The following RBMX2 variants were observed in gnomAD, a reference collection of about 807,000 sequenced individuals.
RBMX2 encodes the protein RNA binding motif protein X-linked 2.
For missense variants in RBMX2, 191 were observed against 256.0 expected (o/e 0.75, Z 1.73); for synonymous variants, 77 against 94.3 (o/e 0.82, Z 1.07).
At chrX:130,410,743 A>G (rs1036717574) in intron 4 of RBMX2, among the ~76,000 whole-genome samples, 1 of 112,138 alleles carries the variant, frequency 8.9e-6, no homozygotes, top group African/African-American at 3.2e-5. Flanking sequence ...GTTGTGCAAG[A>G]ATCAGCGTGA....
chrX:130,402,342 G>A lies in RBMX2; in HGVS notation c.93G>A (p.Glu31=). ...CCGATAAGGTGTCCTGGCACTCCGAGTACAAGGACAGCGCCTGGATCTTCC... is the reference window on the plus strand; with the variant it reads ...CCGATAAGGTGTCCTGGCACTCCGAATACAAGGACAGCGCCTGGATCTTCC... The part of the protein sequence containing the change: ...GVADKVSWHS[E]YKDSAWIFLG... Residue 31 remains glutamate, a synonymous_variant, in exon 2 of 6, where the codon GAG becomes GAA. Coordinates refer to ENST00000305536, the MANE Select transcript of RBMX2 (RefSeq NM_016024.4). 1 of 1,208,576 alleles carries A rather than the reference G, an allele frequency of 8.3e-7. No homozygotes were observed. The highest frequency in any genetic ancestry group is 1.1e-6 in the Non-Finnish European group (1 of 894,541).
rs766772305 is a variant in RBMX2, at chrX:130,403,806, G to C, written c.126G>C (p.Gly42=). The C allele has an allele frequency of 8.3e-6, 10 of 1,209,993 alleles. No individual in the cohort carries two copies. The highest frequency in any genetic ancestry group is 1.1e-5 in the Non-Finnish European group (10 of 893,693). ...YKDSAWIFLG[G]LPYELTEGDI... ...AAATGTGGTTTTCTCTTCTAGGAGG[G>C]CTTCCTTATGAACTGACTGAAGGGG... is the stretch of plus-strand genomic sequence containing the variant. Residue 42 remains glycine (G), a synonymous_variant, in exon 3 of 6, where the codon GGG becomes GGC. Transcript: ENST00000305536.
chrX:130,404,015 G>A, intron 3 of RBMX2, 162 bp downstream of exon 3: 1 of 471,516 alleles, frequency 2.1e-6, no homozygotes, highest in Non-Finnish European at 3.7e-6. Context: ...CCAGGACATG[G>A]TTCTAGAATG....
chrX:130,410,987 T>G (rs1298538786), intron 4 of RBMX2, among the ~76,000 whole-genome samples: 1 of 111,972 alleles, frequency 8.9e-6, no homozygotes, highest in Non-Finnish European at 1.9e-5. Context: ...CAAGGGTGAT[T>G]CATTGTGCAT....
At chrX:130,406,553 G>GCA (rs2034486554) in intron 3 of RBMX2, among the ~76,000 whole-genome samples, 1 of 109,081 alleles carries the variant, frequency 9.2e-6, no homozygotes, top group African/African-American at 3.4e-5. Flanking sequence ...GGTGCCTGTA[G>GCA]TCCCAGCTAC....
chrX:130,407,028 A>AT (rs1399151276), intron 3 of RBMX2, among the ~76,000 whole-genome samples: 6 of 108,643 alleles, frequency 5.5e-5, no homozygotes, highest in Admixed American at 2.9e-4. Context: ...CTATGGACTT[A>AT]TTTTTTCTTA....
chrX:130,409,961 G>T (rs1356334968), intron 4 of RBMX2, among the ~76,000 whole-genome samples: 2 of 112,684 alleles, frequency 1.8e-5, no homozygotes, highest in South Asian at 3.6e-4. Context: ...GTTCTTAGAA[G>T]GAGATAGCGC....
In RBMX2 at chrX:130,402,002, A is replaced by AT; in HGVS notation, c.-29dup. The AT allele has an allele frequency of 4.2e-6, 5 of 1,185,848 alleles. No individual in the cohort carries two copies. The highest frequency in any genetic ancestry group is 5.7e-6 in the Non-Finnish European group (5 of 880,679). ...GCTGCGCTGCCTTTCCCGGGCGCTGATTCCTGAGTGCTGAGCGCGAACCCG... is the reference window on the plus strand; with the variant it reads ...GCTGCGCTGCCTTTCCCGGGCGCTGATTTCCTGAGTGCTGAGCGCGAACCCG... On this transcript the variant is annotated 5_prime_UTR_variant, in exon 1 of 6. Transcript: ENST00000305536.
At chrX:130,403,221 C>T (rs1484699152) in intron 2 of RBMX2, among the ~76,000 whole-genome samples, 1 of 112,173 alleles carries the variant, frequency 8.9e-6, no homozygotes, top group African/African-American at 3.2e-5. Flanking sequence ...CTGCTTTGTC[C>T]ATAGGATTTT....
In RBMX2 at chrX:130,412,390, G is replaced by C; in HGVS notation, c.511G>C (p.Glu171Gln). The C allele has an allele frequency of 8.7e-7, 1 of 1,145,699 alleles. No individual in the cohort carries two copies. Among genetic ancestry groups the C allele is most frequent in the Non-Finnish European group, 1.2e-6 (1 of 868,550 alleles). 94.4% of individuals were successfully genotyped at this position (1,145,699 alleles called of 1,213,427 possible). A position where few individuals can be genotyped will look rare whatever the true frequency, so the allele number is the denominator to read the frequency against. ...DKKEKKKKKK[E>Q]KEKADREVQA... ...AAAGGAAAAAAAGAAAAAAAAGAAA[G>C]AAAAAGAGAAAGCCGACCGGGAGGT... The change falls in exon 6 of 6, where the codon GAA (glutamate) becomes CAA (glutamine). Residue 171 changes from glutamate (E) to glutamine (Q), a missense_variant. By Grantham distance (29) the Glu-to-Gln change is conservative. Coordinates refer to ENST00000305536, the MANE Select transcript of RBMX2 (RefSeq NM_016024.4).
At chrX:130,407,208 A>G (rs181677085) in intron 3 of RBMX2, among the ~76,000 whole-genome samples, 1 of 109,698 alleles carries the variant, frequency 9.1e-6, no homozygotes, top group East Asian at 2.8e-4. Flanking sequence ...GGCATAAAGA[A>G]TACCTGTATC....
At chrX:130,407,219 T>G (rs2034490232) in intron 3 of RBMX2, among the ~76,000 whole-genome samples, 1 of 109,938 alleles carries the variant, frequency 9.1e-6, no homozygotes, top group Non-Finnish European at 1.9e-5. Flanking sequence ...TACCTGTATC[T>G]CCTTCACCCA....
chrX:130,412,519 C>G lies in RBMX2; in HGVS notation c.640C>G (p.Gln214Glu). 8.3e-7 allele frequency: 1 copy of G among 1,209,740 alleles called. No homozygotes were observed. Residue 214 changes from glutamine (Q) to glutamate (E), a missense_variant, in exon 6 of 6, where the codon CAG becomes GAG. Transcript: ENST00000305536. ...CAGCAGCAAGAACTCAGAGAGAGCT[C>G]AGAAGTCAGAGCCCAGGGAGGGGCA... is the stretch of plus-strand genomic sequence containing the variant. Reference protein sequence around the residue: ...KHSSKNSERAQKSEPREGQKL... With the variant: ...KHSSKNSERAEKSEPREGQKL...
chrX:130,411,382 C>G lies in RBMX2; in HGVS notation c.338C>G (p.Ser113Cys), dbSNP rs776025624. Residue 113 changes from serine to cysteine, a missense_variant, in exon 5 of 6, where the codon TCT (serine) becomes TGT (cysteine). Ser to Cys is a moderately radical substitution (Grantham distance 112, BLOSUM62 -1). Coordinates refer to ENST00000305536, the MANE Select transcript of RBMX2 (RefSeq NM_016024.4). ...KGRTIRVDHV[S>C]NYRAPKDSEE... ...AGAACTATCCGAGTGGATCATGTGT[C>G]TAACTATCGGGCTCCTAAGGACTCA... 117 of 1,200,629 alleles carry G rather than the reference C, an allele frequency of 9.7e-5. No homozygotes were observed. The highest frequency in any genetic ancestry group is 1.3e-4 in the Non-Finnish European group (116 of 891,268).
chrX:130,411,178 T>C (rs192313777), intron 4 of RBMX2, 170 bp from the exon 5 acceptor site: 1 of 384,668 alleles, frequency 2.6e-6, no homozygotes, highest in East Asian at 4.1e-5. Flanking sequence ...TATTAATATT[T>C]AGGTGTACAT....
At chrX:130,402,229 T>TCCCCCCCCCCCCCCCCCC in intron 1 of RBMX2, 26 bp from the exon 2 acceptor site, 1 of 723,010 alleles carries the variant, frequency 1.4e-6, no homozygotes. Flanking sequence ...CTGCCTACCC[T>TCCCCCCCCCCCCCCCCCC]CCCCACCCCC....
intron 4 of RBMX2, among the ~76,000 whole-genome samples, chrX:130,410,786 A>G (rs1215324477): frequency 4.5e-5 from 5 of 112,357 alleles, no homozygotes; most frequent in Non-Finnish European, 1.9e-5. Context: ...GGCTAGAGCA[A>G]GGTGTGAGGG....
At position 130,401,993 on chromosome X, in the gene RBMX2, C is replaced by T. The variant is rs760021992; in HGVS notation, c.-40C>T. The T allele has an allele frequency of 1.7e-6, 2 of 1,181,435 alleles. No individual in the cohort carries two copies. Among genetic ancestry groups the T allele is most frequent in the Non-Finnish European group, 2.3e-6 (2 of 878,308 alleles). On this transcript the variant is annotated 5_prime_UTR_variant, in exon 1 of 6. Coordinates refer to ENST00000305536, the MANE Select transcript of RBMX2 (RefSeq NM_016024.4). ...CGCGCATGCGCTGCGCTGCCTTTCC[C>T]GGGCGCTGATTCCTGAGTGCTGAGC... is the stretch of plus-strand genomic sequence containing the variant.
rs139664755 is a variant in RBMX2, at chrX:130,404,033, G to A, written c.173+180G>A. 733 of 441,185 alleles carry A rather than the reference G, an allele frequency of 1.7e-3. 4 individuals are homozygous for A. Among genetic ancestry groups the A allele is most frequent in the African/African-American group, 0.016 (650 of 41,791 alleles). 36.4% of individuals were successfully genotyped at this position (441,185 alleles called of 1,213,427 possible). A position where few individuals can be genotyped will look rare whatever the true frequency, so the allele number is the denominator to read the frequency against. ...GGACATGGTTCTAGAATGTTCTGTG[G>A]GAGATCCAAGAGGTTTGTTAATTTG... On this transcript the variant is annotated intron_variant, in intron 3 of 5. Transcript: ENST00000305536.
Sources: gnomAD v4.1 joint callset for allele counts (sites outside exome capture counted in the v4.1 genomes callset) on GRCh38, gnomAD v4.1.1 for gene constraint, MANE v1.5 for transcripts, NCBI Gene and HGNC (gene_info 2026-07-23, HGNC 2026-07-21) for gene names.